DCC: variants seen among roughly 807,000 people sequenced by gnomAD.
DCC encodes the protein netrin receptor DCC.
DCC carries 58 observed loss-of-function variants against 172.5 expected under a neutral mutation model. The observed-to-expected ratio is 0.34, with a 90% confidence interval of 0.27 to 0.42. The LOEUF is 0.42. Among genes scored for constraint, DCC ranks in the 10% least tolerant of loss-of-function variants. The pLI is 1.00. For missense variants in DCC, 1,740 were observed against 1,791.0 expected, an observed-to-expected ratio of 0.97 and a Z score of 0.51; for synonymous variants, 709 against 644.5, an observed-to-expected ratio of 1.10 and a Z score of -1.52.
chr18:53,499,590 G>T, intron 27 of DCC, 80 bp downstream of exon 27: 3 of 1,137,662 alleles, frequency 2.6e-6, no homozygotes, highest in Non-Finnish European at 4.0e-6. Context: ...TGCTTGAGAA[G>T]GCCTAGATGT....
rs572386125 is a variant in DCC, at chr18:53,275,521, G to T, written c.1912-30057G>T. Among the ~76,000 whole-genome samples the T allele has an allele frequency of 9.2e-5, 14 of 152,034 alleles. 1 individual carries two copies. In the South Asian group the frequency reaches 1.0e-3, roughly 11 times the overall value. On this transcript the variant is annotated intron_variant, in intron 12 of 28. Coordinates refer to ENST00000442544, the MANE Select transcript of DCC (RefSeq NM_005215.4). ...TCCTTTCACTCAACATTTTTTGCTG[G>T]CTTCCTTTAGTTCACTGTATTACAG...
At chr18:52,541,467 A>C (rs2032444265) in intron 1 of DCC, among the ~76,000 whole-genome samples, 1 of 152,228 alleles carries the variant, frequency 6.6e-6, no homozygotes, top group Non-Finnish European at 1.5e-5. Flanking sequence ...AATTCTGAGA[A>C]GAGAAAAATC....
At chr18:53,466,691 A>G (rs1261805225) in intron 24 of DCC, among the ~76,000 whole-genome samples, 1 of 151,994 alleles carries the variant, frequency 6.6e-6, no homozygotes, top group African/African-American at 2.4e-5. Context: ...ACACCCAGCT[A>G]ATTTTTGTAT....
chr18:53,225,885 G>A (rs928542186), intron 12 of DCC, among the ~76,000 whole-genome samples: 18 of 152,180 alleles, frequency 1.2e-4, no homozygotes, highest in African/African-American at 3.4e-4. Context: ...AGGGAAGAAC[G>A]GGTCAGGGGG....
chr18:53,236,913 C>T (rs2056210710), intron 12 of DCC, among the ~76,000 whole-genome samples: 1 of 152,012 alleles, frequency 6.6e-6, no homozygotes, highest in Non-Finnish European at 1.5e-5. Flanking sequence ...GGATCTTATT[C>T]TGTTCCATTG....
chr18:53,118,176 GC>G (rs2043434067), intron 7 of DCC, among the ~76,000 whole-genome samples: 3 of 151,638 alleles, frequency 2.0e-5, no homozygotes. Flanking sequence ...GACAAAGAAG[GC>G]CCCCAATAAT....
Position 52,997,478 on chromosome 18 carries a change from A to G in DCC, c.986-65827A>G, listed in dbSNP as rs536215734. Among the ~76,000 whole-genome samples, 7 of 152,220 alleles carry G rather than the reference A, an allele frequency of 4.6e-5. No homozygotes were observed. In the East Asian group the frequency reaches 7.7e-4, roughly 17 times the overall value. On this transcript the variant is annotated intron_variant, in intron 5 of 28. Coordinates refer to ENST00000442544, the MANE Select transcript of DCC (RefSeq NM_005215.4). The stretch of plus-strand genomic sequence containing the variant: ...ATAAAAACCTAAGTCTCCATTCAGG[A>G]TTCACATATGCCAAAATATGATAGG...
intron 5 of DCC, among the ~76,000 whole-genome samples, chr18:52,992,984 T>TAA (rs5824983): frequency 1.5e-4 from 20 of 131,100 alleles, no homozygotes; most frequent in Non-Finnish European, 2.3e-4. Context: ...GTCTCAAATT[T>TAA]AAAAAAAAAA....
At position 52,932,701 on chromosome 18, in the gene DCC, T is replaced by C. The variant is rs138406252; in HGVS notation, c.985+7331T>C. Reference sequence around the variant, plus strand: ...GCTGAGCATGTCCACCTTACACAGATGTGTTCAATAAGCCTGAAGATGATA... The same window carrying C: ...GCTGAGCATGTCCACCTTACACAGACGTGTTCAATAAGCCTGAAGATGATA... On this transcript the variant is annotated intron_variant, in intron 5 of 28. Transcript: ENST00000442544. 1.1e-3 allele frequency among the ~76,000 whole-genome samples: 166 copies of C among 152,224 alleles called. 1 individual carries two copies. The highest frequency in any genetic ancestry group is 2.0e-3 in the Non-Finnish European group (134 of 67,972).
chr18:52,847,612 C>T (rs780684217), intron 2 of DCC, among the ~76,000 whole-genome samples: 1 of 152,164 alleles, frequency 6.6e-6, no homozygotes, highest in Non-Finnish European at 1.5e-5. Context: ...TCTGTAACCA[C>T]GTTCCCTCCC....
intron 27 of DCC, among the ~76,000 whole-genome samples, chr18:53,510,431 T>A (rs771347123): frequency 2.5e-4 from 38 of 152,222 alleles, no homozygotes; most frequent in Non-Finnish European, 4.9e-4. Flanking sequence ...GTCAAGTAGT[T>A]CAATTGTATT....
rs921623588 is a variant in DCC at position 52,936,639 on chromosome 18, C to G, written c.985+11269C>G. Among the ~76,000 whole-genome samples the G allele has an allele frequency of 1.3e-5, 2 of 151,230 alleles. 1 individual carries two copies. The highest frequency in any genetic ancestry group is 3.0e-5 in the Non-Finnish European group (2 of 67,776). ...TCTAAGAATATAATTTTAATTATCC[C>G]TAACAATCTAAGCAAGGTGAATTGA... On this transcript the variant is annotated intron_variant, in intron 5 of 28. Coordinates refer to ENST00000442544, the MANE Select transcript of DCC (RefSeq NM_005215.4).
At chr18:52,511,467 G>T (rs1267942890) in intron 1 of DCC, among the ~76,000 whole-genome samples, 1 of 152,144 alleles carries the variant, frequency 6.6e-6, no homozygotes, top group Non-Finnish European at 1.5e-5. Context: ...AAAGTGTGCA[G>T]CAATGGCTTT....
intron 1 of DCC, among the ~76,000 whole-genome samples, chr18:52,486,094 A>G (rs111556746): frequency 1.1e-3 from 172 of 152,222 alleles, no homozygotes; most frequent in African/African-American, 3.7e-3. Flanking sequence ...TCCTAGTCTC[A>G]AGAGATTCTC....
chr18:52,746,756 T>TA (rs1479190467), intron 1 of DCC, among the ~76,000 whole-genome samples: 1 of 143,344 alleles, frequency 7.0e-6, no homozygotes, highest in Non-Finnish European at 1.5e-5. Flanking sequence ...GCAATATTAT[T>TA]TCTGATGCTT....
chr18:52,590,629 T>G (rs1349953267), intron 1 of DCC, among the ~76,000 whole-genome samples: 1 of 152,196 alleles, frequency 6.6e-6, no homozygotes, highest in Non-Finnish European at 1.5e-5. Flanking sequence ...TCTTGGCACA[T>G]TTAAGAAATA....
At chr18:52,942,042 C>A (rs1301048343) in intron 5 of DCC, among the ~76,000 whole-genome samples, 1 of 152,176 alleles carries the variant, frequency 6.6e-6, no homozygotes, top group African/African-American at 2.4e-5. Flanking sequence ...CTTGGCTTCC[C>A]AAAGTGCTGG....
chr18:52,364,619 T>A (rs1984763044), intron 1 of DCC, among the ~76,000 whole-genome samples: 1 of 152,222 alleles, frequency 6.6e-6, no homozygotes, highest in African/African-American at 2.4e-5. Context: ...TCCTCCTTAA[T>A]ACCACCAAGG....
chr18:52,911,301 G>T (rs1321987597), intron 3 of DCC, among the ~76,000 whole-genome samples: 1 of 152,006 alleles, frequency 6.6e-6, no homozygotes, highest in Non-Finnish European at 1.5e-5. Context: ...CATAGACAAG[G>T]AACTAGTTGG....
Sources: allele counts gnomAD v4.1 joint callset (sites outside exome capture counted in the v4.1 genomes callset), GRCh38; gene constraint gnomAD v4.1.1; transcripts MANE v1.5; gene names NCBI Gene and HGNC (gene_info 2026-07-23, HGNC 2026-07-21).